PCDHGB1: variants seen among roughly 807,000 people sequenced by gnomAD.
The protein encoded by PCDHGB1 is protocadherin gamma-B1.
A neutral mutation model predicts 56.6 loss-of-function variants in PCDHGB1; 34 were observed. The observed-to-expected ratio is 0.60, with a 90% CI of 0.46 to 0.80. The LOEUF (loss-of-function observed/expected upper bound fraction) is 0.80, where lower values mean the gene tolerates loss of function less well. PCDHGB1 is among the 30% of genes least tolerant of loss of function. The pLI, the probability that PCDHGB1 is intolerant of heterozygous loss-of-function variation, is 0.00. For missense variants in PCDHGB1, 1,278 were observed against 1,204.6 expected (o/e 1.06, Z -0.90); for synonymous variants, 561 against 505.9 (o/e 1.11, Z -1.46).
At chr5:141,384,447 G>T in intron 1 of PCDHGB1, 1 of 1,614,008 alleles carries the variant, frequency 6.2e-7, no homozygotes, top group African/African-American at 1.3e-5. Flanking sequence ...TCCTGTACGC[G>T]CTGCAATCCT....
At chr5:141,419,570 G>A (rs751047365) in intron 1 of PCDHGB1, 3 of 1,611,764 alleles carry the variant, frequency 1.9e-6, no homozygotes, top group Non-Finnish European at 2.5e-6. Flanking sequence ...GGGTCCCGAC[G>A]GCTCCGCGCT....
At chr5:141,455,013 C>T (rs1468289988) in intron 1 of PCDHGB1, among the ~76,000 whole-genome samples, 2 of 151,130 alleles carry the variant, frequency 1.3e-5, no homozygotes, top group African/African-American at 4.9e-5. Context: ...GGGGTTTCAC[C>T]GTGTTAGCCA....
chr5:141,420,005 C>T, intron 1 of PCDHGB1: 2 of 1,614,056 alleles, frequency 1.2e-6, no homozygotes, highest in Non-Finnish European at 1.7e-6. Context: ...TCTACGCCTG[C>T]GACAGTCTTT....
At chr5:141,496,509 C>A (rs955577717) in intron 2 of PCDHGB1, among the ~76,000 whole-genome samples, 3 of 152,168 alleles carry the variant, frequency 2.0e-5, no homozygotes, top group Non-Finnish European at 4.4e-5. Context: ...GCCACAAGGA[C>A]CCAGGAGCCC....
At chr5:141,374,140 C>G in intron 1 of PCDHGB1, 1 of 1,609,666 alleles carries the variant, frequency 6.2e-7, no homozygotes, top group Non-Finnish European at 8.5e-7. Flanking sequence ...TCCTCACGCT[C>G]CTGGGGACGC....
chr5:141,356,659 A>T (rs779642478), intron 1 of PCDHGB1: 13 of 1,613,932 alleles, frequency 8.1e-6, no homozygotes, highest in Non-Finnish European at 1.0e-5. Flanking sequence ...CAATGCCCGA[A>T]TCACTTACTC....
At chr5:141,378,078 T>A (rs1215089288) in intron 1 of PCDHGB1, 2 of 152,178 alleles carry the variant, frequency 1.3e-5, no homozygotes, top group African/African-American at 4.8e-5. Context: ...GAAAATAATT[T>A]TATAACTTTT....
chr5:141,405,176 G>A (rs917679696), intron 1 of PCDHGB1: 3 of 1,614,068 alleles, frequency 1.9e-6, no homozygotes, highest in Non-Finnish European at 2.5e-6. Context: ...ACACTTTGTG[G>A]GTGTAGATGG....
Position 141,478,407 on chromosome 5 carries a change from C to T in PCDHGB1, c.2410-16400C>T. On this transcript the variant is annotated intron_variant, in intron 1 of 3. Coordinates refer to ENST00000523390, the MANE Select transcript of PCDHGB1 (RefSeq NM_018922.3). The stretch of plus-strand genomic sequence containing the variant: ...CTTTACCATCAGGTGTATCTCACCA[C>T]GGACTCCCGCCGCAGCGACCCGCTG... 1.9e-6 allele frequency: 3 copies of T among 1,613,272 alleles called. No individual in the cohort carries two copies. The highest frequency in any genetic ancestry group is 1.3e-5 in the African/African-American group (1 of 75,072).
rs971610218 is a variant in PCDHGB1, at chr5:141,400,979, C to T, written c.2409+48310C>T. Among the ~76,000 whole-genome samples, 10 of 152,258 alleles carry T rather than the reference C, an allele frequency of 6.6e-5. No individual in the cohort carries two copies. The East Asian group carries it at 9.6e-4, about 15-fold the overall frequency. ...GTAGTTTTCATCTCTTTCTTATGTT[C>T]CTCATATATGCTTTCTTATTCCTAC... On this transcript the variant is annotated intron_variant, in intron 1 of 3. Transcript: ENST00000523390.
At position 141,352,308 on chromosome 5, in the gene PCDHGB1, A is replaced by G. The variant is rs770269507; in HGVS notation, c.2048A>G (p.Glu683Gly). 1.2e-6 allele frequency: 2 copies of G among 1,613,988 alleles called. No individual in the cohort carries two copies. The highest frequency in any genetic ancestry group is 1.7e-6 in the Non-Finnish European group (2 of 1,179,886). The change falls in exon 1 of 4, where the codon GAA becomes GGA. Residue 683 changes from glutamate (E) to glycine (G), a missense_variant. Glu to Gly is a moderately conservative substitution (Grantham distance 98). Coordinates refer to ENST00000523390, the MANE Select transcript of PCDHGB1 (RefSeq NM_018922.3). ...CCTGAGCCCTCTGACCCCCAGACGG[A>G]ACTGCAGTTTTACCTGGTTGTGGCC... ...DRPEPSDPQT[E>G]LQFYLVVALA...
intron 1 of PCDHGB1, chr5:141,365,994 A>G: frequency 6.2e-7 from 1 of 1,614,260 alleles, no homozygotes; most frequent in Non-Finnish European, 8.5e-7. Flanking sequence ...GTGCTGGACC[A>G]GAACGACAAT....
intron 1 of PCDHGB1, chr5:141,385,194 G>A (rs1274561417): frequency 1.2e-6 from 2 of 1,614,124 alleles, no homozygotes; most frequent in Non-Finnish European, 1.7e-6. Flanking sequence ...ACTCTCGGAA[G>A]AGTCACCTGA....
At chr5:141,355,539 A>G (rs1759893853) in intron 1 of PCDHGB1, 2 of 1,613,954 alleles carry the variant, frequency 1.2e-6, no homozygotes, top group Non-Finnish European at 1.7e-6. Flanking sequence ...TAGAAGATAC[A>G]GTGAAGATTT....
intron 1 of PCDHGB1, chr5:141,420,414 T>C: frequency 8.2e-7 from 1 of 1,221,674 alleles, no homozygotes; most frequent in Non-Finnish European, 1.1e-6. Flanking sequence ...GTTATCATTA[T>C]TAAAACAAAA....
At chr5:141,407,549 T>C (rs1159197129) in intron 1 of PCDHGB1, among the ~76,000 whole-genome samples, 4 of 151,912 alleles carry the variant, frequency 2.6e-5, no homozygotes, top group African/African-American at 9.7e-5. Flanking sequence ...TAACAGATTG[T>C]AGAACATAAG....
At position 141,491,725 on chromosome 5, in the gene PCDHGB1, G is replaced by A. The variant is rs1008933711; in HGVS notation, c.2410-3082G>A. The A allele has an allele frequency of 6.2e-7, 1 of 1,606,496 alleles. No homozygotes were observed. The highest frequency in any genetic ancestry group is 1.3e-5 in the African/African-American group (1 of 74,728). On this transcript the variant is annotated intron_variant, in intron 1 of 3. Coordinates refer to ENST00000523390, the MANE Select transcript of PCDHGB1 (RefSeq NM_018922.3). The surrounding 1 kb of genome is among the most constrained non-coding windows in gnomAD (Gnocchi z 6.9). ...GGTGAGGGGCTCGGCGCCGCCCCGGGCGACCCCTGGGGGCGGCACTGGAGA... is the reference window on the plus strand; with the variant it reads ...GGTGAGGGGCTCGGCGCCGCCCCGGACGACCCCTGGGGGCGGCACTGGAGA...
intron 2 of PCDHGB1, among the ~76,000 whole-genome samples, chr5:141,498,024 A>G (rs1455238086): frequency 6.6e-6 from 1 of 152,200 alleles, no homozygotes; most frequent in East Asian, 1.9e-4. Flanking sequence ...GGAGACAAAT[A>G]TTGACCAAAT....
chr5:141,404,970 C>A (rs1470955697), intron 1 of PCDHGB1: 1 of 1,613,940 alleles, frequency 6.2e-7, no homozygotes, highest in Non-Finnish European at 8.5e-7. Flanking sequence ...GACATCCTGG[C>A]TGACCTGGGC....
Sources: gnomAD v4.1 joint callset for allele counts (sites outside exome capture counted in the v4.1 genomes callset) on GRCh38, gnomAD v4.1.1 for gene constraint, Gnocchi (gnomAD v3.1) non-coding constraint, MANE v1.5 for transcripts, NCBI Gene and HGNC (gene_info 2026-07-23, HGNC 2026-07-21) for gene names.